ZNF675: variants seen among roughly 807,000 people sequenced by gnomAD.
ZNF675 encodes zinc finger protein 675.
Under a neutral mutation model 56.1 loss-of-function variants are expected in ZNF675, and 36 were observed. The ratio of observed to expected loss-of-function variants is 0.64; its 90% CI spans 0.49 to 0.85. The LOEUF (loss-of-function observed/expected upper bound fraction) is 0.85. Ranked by LOEUF, ZNF675 falls within the 40% of genes least tolerant of loss-of-function variation. The probability of loss-of-function intolerance (pLI) is 0.00; values close to 1 mark genes in which losing one functional copy is unlikely to be tolerated. For synonymous variants in ZNF675, 200 were observed against 218.9 expected (o/e 0.91, Z 0.76); for missense variants, 663 against 654.2 (o/e 1.01, Z -0.15).
At chr19:23,658,454 G>C (rs1968017348) in intron 3 of ZNF675, 1 of 151,828 alleles carries the variant, frequency 6.6e-6, no homozygotes, top group East Asian at 1.9e-4. Flanking sequence ...GGCCAAGGAA[G>C]ATGGATCACG....
At chr19:23,680,215 C>T (rs1216165261) in intron 1 of ZNF675, among the ~76,000 whole-genome samples, 3 of 150,658 alleles carry the variant, frequency 2.0e-5, no homozygotes, top group Admixed American at 6.6e-5. Flanking sequence ...AGGCAGGTGA[C>T]TCGCTTGAAC....
rs1219822288 is a variant in ZNF675 at position 23,677,090 on chromosome 19, AG to A, written c.3+9940del. ...AGACTGTCTCAGAAAAAAAAAAAAA[AG>A]AGAAAAGAAAAAAAAGAAAAAGAAA... On this transcript the variant is annotated intron_variant, in intron 1 of 3. Coordinates refer to ENST00000359788, the MANE Select transcript of ZNF675 (RefSeq NM_138330.3). Among the ~76,000 whole-genome samples, 57 of 58,170 alleles carry A rather than the reference AG, an allele frequency of 9.8e-4. 1 individual carries two copies. Among genetic ancestry groups the A allele is most frequent in the East Asian group, 9.0e-3 (18 of 2,008 alleles). The allele number at this position is 58,170 out of a possible 152,430, so 38.2% of individuals were successfully genotyped here. A position where few individuals can be genotyped will look rare whatever the true frequency, so the allele number is the denominator to read the frequency against.
intron 1 of ZNF675, among the ~76,000 whole-genome samples, chr19:23,677,305 C>A (rs1968311116): frequency 6.6e-6 from 1 of 151,740 alleles, no homozygotes; most frequent in South Asian, 2.1e-4. Context: ...CAGAAAAGTT[C>A]TGTAAGCTGA....
At chr19:23,679,188 A>AG (rs1568295965) in intron 1 of ZNF675, among the ~76,000 whole-genome samples, 2 of 144,024 alleles carry the variant, frequency 1.4e-5, no homozygotes, top group East Asian at 2.2e-4. Context: ...AAAAAAGAGA[A>AG]CAAAAATTAA....
In ZNF675 at chr19:23,687,095, A is replaced by C. The variant is rs1968453958; in HGVS notation, c.-62T>G. On this transcript the variant is annotated 5_prime_UTR_variant, in exon 1 of 4. Coordinates refer to ENST00000359788, the MANE Select transcript of ZNF675 (RefSeq NM_138330.3). ...GGATCTCTCAATTTCTGCAGGTCAC[A>C]GGCCCACAGAGGCTGGACCTCTAGG... 6.3e-7 allele frequency: 1 copy of C among 1,594,402 alleles called. No individual in the cohort carries two copies. Among genetic ancestry groups the C allele is most frequent in the Non-Finnish European group, 8.6e-7 (1 of 1,163,154 alleles).
chr19:23,669,952 CATCT>C (rs1968207752), intron 1 of ZNF675, among the ~76,000 whole-genome samples: 1 of 151,976 alleles, frequency 6.6e-6, no homozygotes, highest in Admixed American at 6.5e-5. Context: ...AGGTCAGAGC[CATCT>C]GACAGACTAA....
chr19:23,684,410 C>CA (rs1321079047), intron 1 of ZNF675, among the ~76,000 whole-genome samples: 3 of 151,764 alleles, frequency 2.0e-5, no homozygotes, highest in Non-Finnish European at 4.4e-5. Context: ...TTTGGGAGGC[C>CA]AAGAGGGGCG....
intron 1 of ZNF675, among the ~76,000 whole-genome samples, chr19:23,668,877 G>A (rs547509849): frequency 6.7e-4 from 102 of 152,278 alleles, no homozygotes; most frequent in Non-Finnish European, 1.3e-3. Context: ...CGCAAGCACC[G>A]CACGCAGCCC....
At chr19:23,675,302 G>A (rs1944635668) in intron 1 of ZNF675, among the ~76,000 whole-genome samples, 1 of 151,680 alleles carries the variant, frequency 6.6e-6, no homozygotes, top group Admixed American at 6.6e-5. Context: ...AAATCACTGA[G>A]GCAGAAAAAT....
chr19:23,665,534 A>G (rs1055544699), intron 1 of ZNF675, among the ~76,000 whole-genome samples: 1 of 151,516 alleles, frequency 6.6e-6, no homozygotes, highest in African/African-American at 2.4e-5. Flanking sequence ...GTCGCTCTGT[A>G]GCGCAGGCTG....
intron 1 of ZNF675, among the ~76,000 whole-genome samples, chr19:23,684,238 G>A (rs1181057313): frequency 6.6e-6 from 1 of 151,270 alleles, no homozygotes; most frequent in Non-Finnish European, 1.5e-5. Context: ...CTCCAGCCTG[G>A]GCAACAAATC....
At chr19:23,673,162 A>G (rs1968247752) in intron 1 of ZNF675, among the ~76,000 whole-genome samples, 1 of 152,206 alleles carries the variant, frequency 6.6e-6, no homozygotes, top group Non-Finnish European at 1.5e-5. Context: ...TTAATTTCCA[A>G]AATTTCAAGA....
At position 23,654,071 on chromosome 19, in the gene ZNF675, C is replaced by A; in HGVS notation, c.862G>T (p.Glu288Ter). ...HTGEKPYKCE[E>*]CGKAFNQFSN... ...AACTGGTTAAAGGCTTTGCCACATTCTTCACATTTGTAGGGTTTCTCTCCT... is the reference window on the plus strand; with the variant it reads ...AACTGGTTAAAGGCTTTGCCACATTATTCACATTTGTAGGGTTTCTCTCCT... Residue 288 changes from glutamate to a stop codon, truncating the protein, a stop_gained, in exon 4 of 4, where the codon GAA becomes TAA. Transcript: ENST00000359788. LOFTEE classifies it high-confidence loss of function. The A allele has an allele frequency of 1.5e-5, 24 of 1,613,788 alleles. No homozygotes were observed. Among genetic ancestry groups the A allele is most frequent in the Non-Finnish European group, 1.9e-5 (22 of 1,180,004 alleles).
chr19:23,671,702 G>A (rs1008572620), intron 1 of ZNF675, among the ~76,000 whole-genome samples: 7 of 151,438 alleles, frequency 4.6e-5, no homozygotes, highest in African/African-American at 1.2e-4. Context: ...CCAATTCAGC[G>A]GTTTATCTAG....
intron 1 of ZNF675, among the ~76,000 whole-genome samples, chr19:23,672,915 G>C (rs1968244859): frequency 6.6e-6 from 1 of 152,174 alleles, no homozygotes; most frequent in African/African-American, 2.4e-5. Context: ...TTGTTTGTCA[G>C]AAACTCTTAC....
intron 1 of ZNF675, among the ~76,000 whole-genome samples, chr19:23,679,024 G>A (rs865782151): frequency 1.9e-4 from 28 of 150,670 alleles, no homozygotes; most frequent in African/African-American, 3.2e-4. Context: ...AAAATTAGCC[G>A]GGCGTGGTGG....
chr19:23,677,101 A>AAAAAAAAG (rs1190853992), intron 1 of ZNF675, among the ~76,000 whole-genome samples: 2 of 149,378 alleles, frequency 1.3e-5, no homozygotes, highest in Non-Finnish European at 3.0e-5. Context: ...GAGAAAAGAA[A>AAAAAAAAG]AAAAAGAAAA....
intron 1 of ZNF675, among the ~76,000 whole-genome samples, chr19:23,667,360 A>AC (rs1489337427): frequency 6.6e-6 from 1 of 151,906 alleles, no homozygotes; most frequent in Admixed American, 6.6e-5. Flanking sequence ...GTGGAAGGGG[A>AC]CCCCAGCGGG....
intron 1 of ZNF675, among the ~76,000 whole-genome samples, chr19:23,669,490 G>C (rs1415207377): frequency 9.9e-5 from 1 of 10,142 alleles, no homozygotes; most frequent in Admixed American, 2.6e-3. Flanking sequence ...GTGGTGGGGG[G>C]GTGGGGGGAG....
Sources: allele counts gnomAD v4.1 joint callset (sites outside exome capture counted in the v4.1 genomes callset), GRCh38; gene constraint gnomAD v4.1.1; transcripts MANE v1.5; gene names NCBI Gene and HGNC (gene_info 2026-07-23, HGNC 2026-07-21).